STPG2: variants seen among roughly 807,000 people sequenced by gnomAD.
The protein encoded by STPG2 is sperm tail PG-rich repeat containing 2.
In STPG2, 56 loss-of-function variants were observed where a neutral mutation model predicts 54.2. The ratio of observed to expected loss-of-function variants is 1.03; its 90% CI spans 0.83 to 1.29. STPG2 has a LOEUF of 1.29. Ranked by LOEUF, STPG2 falls within the 50% of genes most tolerant of loss-of-function variation. The pLI is 0.00. For synonymous variants in STPG2, 200 were observed against 181.8 expected (o/e 1.10, Z -0.81); for missense variants, 596 against 544.9 (o/e 1.09, Z -0.93).
rs532002394 is a variant in STPG2 at position 97,927,202 on chromosome 4, T to A, written c.1044+16695A>T. Reference sequence around the variant, plus strand: ...TCAAAATTTATTTTTAAATTCCTTTTCATTCTCAACTCTATGTATTATAAC... The same window carrying A: ...TCAAAATTTATTTTTAAATTCCTTTACATTCTCAACTCTATGTATTATAAC... On this transcript the variant is annotated intron_variant, in intron 8 of 10. Transcript: ENST00000295268. 2.8e-4 allele frequency among the ~76,000 whole-genome samples: 40 copies of A among 142,642 alleles called. 1 individual carries two copies. The South Asian group carries it at 9.3e-3, about 33-fold the overall frequency. The allele number at this position is 142,642 out of a possible 152,430, so 93.6% of individuals were successfully genotyped here. A position where few individuals can be genotyped will look rare whatever the true frequency, so the allele number is the denominator to read the frequency against.
chr4:97,642,006 A>G (rs943698039), intron 10 of STPG2, among the ~76,000 whole-genome samples: 1 of 151,464 alleles, frequency 6.6e-6, no homozygotes, highest in Non-Finnish European at 1.5e-5. Flanking sequence ...TTGGCATTTA[A>G]CTTATTATGC....
At chr4:97,475,824 A>C (rs1262424450) in intron 4 of STPG2, among the ~76,000 whole-genome samples, 1 of 152,130 alleles carries the variant, frequency 6.6e-6, no homozygotes, top group African/African-American at 2.4e-5. Flanking sequence ...GCCTCTTCTG[A>C]AAGGTCCTCT....
chr4:97,762,582 CA>C (rs1196452029), intron 9 of STPG2, among the ~76,000 whole-genome samples: 1 of 152,044 alleles, frequency 6.6e-6, no homozygotes, highest in African/African-American at 2.4e-5. Context: ...AAAAATGCCT[CA>C]GGGGAAAACA....
At chr4:97,912,102 A>G (rs1560585753) in intron 8 of STPG2, among the ~76,000 whole-genome samples, 1 of 152,104 alleles carries the variant, frequency 6.6e-6, no homozygotes, top group Non-Finnish European at 1.5e-5. Context: ...CCTGCAGAAG[A>G]GCGGCCTGTT....
intron 5 of STPG2, among the ~76,000 whole-genome samples, chr4:98,037,408 A>C (rs1736810767): frequency 6.6e-6 from 1 of 152,140 alleles, no homozygotes; most frequent in Non-Finnish European, 1.5e-5. Context: ...AATAAATTTC[A>C]ACACACACTA....
chr4:98,026,660 A>G (rs931340163), intron 5 of STPG2, among the ~76,000 whole-genome samples: 18 of 151,956 alleles, frequency 1.2e-4, no homozygotes, highest in African/African-American at 4.1e-4. Context: ...ATACAGATAA[A>G]CTCCGGTCCA....
intron 10 of STPG2, among the ~76,000 whole-genome samples, chr4:97,604,340 A>G (rs1733539960): frequency 2.0e-5 from 3 of 151,674 alleles, no homozygotes; most frequent in Admixed American, 1.3e-4. Context: ...AAAAAGAAGC[A>G]TATGTCTAAA....
chr4:98,051,039 G>C (rs1217946464), intron 5 of STPG2, among the ~76,000 whole-genome samples: 1 of 151,052 alleles, frequency 6.6e-6, no homozygotes, highest in Non-Finnish European at 1.5e-5. Context: ...AAAAATTGAT[G>C]TCAGGAAGAT....
intron 9 of STPG2, among the ~76,000 whole-genome samples, chr4:97,836,427 T>C (rs1168535408): frequency 6.6e-6 from 1 of 151,948 alleles, no homozygotes; most frequent in Non-Finnish European, 1.5e-5. Context: ...TATTCAGACA[T>C]AATGCTATCG....
chr4:97,538,877 G>A (rs1731613333), intron 4 of STPG2, among the ~76,000 whole-genome samples: 1 of 152,074 alleles, frequency 6.6e-6, no homozygotes, highest in Non-Finnish European at 1.5e-5. Flanking sequence ...AAGAGAGTGG[G>A]GGCCAATATT....
intron 4 of STPG2, among the ~76,000 whole-genome samples, chr4:97,457,447 C>A (rs1395786033): frequency 6.6e-6 from 1 of 152,178 alleles, no homozygotes; most frequent in African/African-American, 2.4e-5. Flanking sequence ...TAGGCATAGG[C>A]CACCAATTAA....
chr4:97,728,001 A>G (rs1425153330), intron 9 of STPG2, among the ~76,000 whole-genome samples: 3 of 151,956 alleles, frequency 2.0e-5, no homozygotes, highest in Admixed American at 6.6e-5. Flanking sequence ...ATATTATGGA[A>G]CTGTGCTCTC....
At chr4:98,020,427 T>A (rs1560639722) in intron 5 of STPG2, among the ~76,000 whole-genome samples, 1 of 147,936 alleles carries the variant, frequency 6.8e-6, no homozygotes, top group South Asian at 2.2e-4. Context: ...TGCCAGTATT[T>A]TATTGAGGAT....
rs145294643 is a variant in STPG2, at chr4:97,511,363, G to A, written c.462+201336C>T. Among the ~76,000 whole-genome samples the A allele has an allele frequency of 7.9e-3, 1,199 of 151,880 alleles. 20 individuals carry two copies. Among genetic ancestry groups the A allele is most frequent in the Non-Finnish European group, 8.4e-3 (572 of 67,906 alleles). On this transcript the variant is annotated intron_variant, in intron 4 of 4. Transcript: ENST00000522676. ...TGGTGAAAAAAACTAAAGATAAAAA[G>A]CAAGATAATTCATAAGGATACAATA...
chr4:97,739,752 C>A (rs571254036), intron 9 of STPG2, among the ~76,000 whole-genome samples: 1 of 152,078 alleles, frequency 6.6e-6, no homozygotes, highest in Admixed American at 6.6e-5. Flanking sequence ...AGTCCAGGAC[C>A]AGATGGATTC....
In STPG2 at chr4:97,564,318, T is replaced by G. The variant is rs1732357428; in HGVS notation, c.1321-5201A>C. On this transcript the variant is annotated intron_variant, in intron 10 of 10. Coordinates refer to ENST00000295268, the MANE Select transcript of STPG2 (RefSeq NM_174952.3). ...TTCCTCCATCCTTTCATTTTGAGCC[T>G]ATGTGTGTCTCTGCATGTGAGATGG... 2.6e-5 allele frequency among the ~76,000 whole-genome samples: 4 copies of G among 152,186 alleles called. No individual in the cohort carries two copies. The South Asian group carries it at 8.3e-4, about 31-fold the overall frequency.
At chr4:97,496,891 A>G (rs1386823934) in intron 4 of STPG2, among the ~76,000 whole-genome samples, 2 of 151,728 alleles carry the variant, frequency 1.3e-5, no homozygotes, top group Non-Finnish European at 2.9e-5. Flanking sequence ...TATACTTTAG[A>G]CAGAAGTTCA....
intron 3 of STPG2, among the ~76,000 whole-genome samples, chr4:98,118,158 T>C (rs555681928): frequency 1.3e-5 from 2 of 152,256 alleles, no homozygotes; most frequent in African/African-American, 4.8e-5. Flanking sequence ...GGTCAGGTAA[T>C]GTCTGGACAA....
At chr4:97,492,392 CT>C (rs1730521169) in intron 4 of STPG2, among the ~76,000 whole-genome samples, 1 of 151,492 alleles carries the variant, frequency 6.6e-6, no homozygotes, top group Admixed American at 6.6e-5. Flanking sequence ...GAGGGGCACT[CT>C]TTCTCCCTGA....
Sources: gnomAD v4.1 joint callset for allele counts (sites outside exome capture counted in the v4.1 genomes callset) on GRCh38, gnomAD v4.1.1 for gene constraint, MANE v1.5 for transcripts, NCBI Gene and HGNC (gene_info 2026-07-23, HGNC 2026-07-21) for gene names.